POLD3: variants seen among roughly 807,000 people sequenced by gnomAD.
POLD3 encodes the protein DNA polymerase delta 3, accessory subunit, also known as DNA polymerase delta subunit 3.
In POLD3, 19 loss-of-function variants were observed where a neutral mutation model predicts 58.2. The ratio of observed to expected loss-of-function variants is 0.33; its 90% CI spans 0.23 to 0.48. The LOEUF (loss-of-function observed/expected upper bound fraction) is 0.48. Among genes scored for constraint, POLD3 ranks in the 20% least tolerant of loss-of-function variants. POLD3 has a pLI of 0.99. For synonymous variants in POLD3, 172 were observed against 193.5 expected, an observed-to-expected ratio of 0.89 and a Z score of 0.92; for missense variants, 504 against 545.5, an observed-to-expected ratio of 0.92 and a Z score of 0.76.
At chr11:74,598,620 T>C (rs2031366339) in intron 2 of POLD3, among the ~76,000 whole-genome samples, 1 of 152,222 alleles carries the variant, frequency 6.6e-6, no homozygotes, top group African/African-American at 2.4e-5. Flanking sequence ...TCTAGGCATC[T>C]TTATGCACAT....
At chr11:74,666,881 T>C (rs1037112816) in intron 4 of POLD3, among the ~76,000 whole-genome samples, 3 of 149,834 alleles carry the variant, frequency 2.0e-5, no homozygotes, top group African/African-American at 7.4e-5. Flanking sequence ...AGCATAACAA[T>C]AGGTATCTAG....
rs191979397 is a variant in POLD3, at chr11:74,630,110, A to G, written c.1006+787A>G. ...CTAGTCCAAAGGATTTCAGCATCAC[A>G]TAAAGATACAGAGACAAACACGAAC... On this transcript the variant is annotated intron_variant, in intron 9 of 11. Transcript: ENST00000263681. Among the ~76,000 whole-genome samples the G allele has an allele frequency of 1.4e-4, 22 of 152,338 alleles. 1 individual carries two copies. In the East Asian group the frequency reaches 4.0e-3, roughly 28 times the overall value.
In POLD3 at chr11:74,618,564, C is replaced by A. The variant is rs148419916; in HGVS notation, c.420C>A (p.Ala140=). Residue 140 remains alanine (A), a synonymous_variant, in exon 6 of 12, where the codon GCC becomes GCA. Transcript: ENST00000263681. ...SKFSAIQCAA[A]VPRAPAESSS... Reference sequence around the variant, plus strand: ...TTAGTGCTATACAATGTGCAGCTGCCGTCCCTAGAGCTCCTGCTGAATCCT... The same window carrying A: ...TTAGTGCTATACAATGTGCAGCTGCAGTCCCTAGAGCTCCTGCTGAATCCT... The A allele has an allele frequency of 2.3e-4, 368 of 1,613,072 alleles. 4 individuals are homozygous for A. In the African/African-American group the frequency reaches 4.6e-3, roughly 20 times the overall value.
At chr11:74,634,946 T>C (rs1180264658) in intron 10 of POLD3, among the ~76,000 whole-genome samples, 1 of 152,188 alleles carries the variant, frequency 6.6e-6, no homozygotes, top group Non-Finnish European at 1.5e-5. Context: ...TCTGTTTTCA[T>C]GACCTTCAGC....
intron 4 of POLD3, among the ~76,000 whole-genome samples, chr11:74,655,648 T>C (rs1450743850): frequency 7.2e-6 from 1 of 139,470 alleles, no homozygotes; most frequent in Non-Finnish European, 1.5e-5. Flanking sequence ...ATTCAACACC[T>C]ATATTTGACC....
Position 74,607,668 on chromosome 11 carries a change from A to G in POLD3, c.219+2874A>G, listed in dbSNP as rs1330153877. Among the ~76,000 whole-genome samples the G allele has an allele frequency of 3.3e-5, 5 of 151,252 alleles. No homozygotes were observed. The East Asian group carries it at 5.8e-4, about 18-fold the overall frequency. ...AGAATCTCGGCTTACTGTAGCCTCA[A>G]TCTCTTGGGTTTAAGCCATCTTCCT... On this transcript the variant is annotated intron_variant, in intron 3 of 11. Coordinates refer to ENST00000263681, the MANE Select transcript of POLD3 (RefSeq NM_006591.3).
intron 4 of POLD3, among the ~76,000 whole-genome samples, chr11:74,655,961 G>A (rs2135196721): frequency 6.6e-6 from 1 of 152,184 alleles, no homozygotes; most frequent in Middle Eastern, 3.4e-3. Flanking sequence ...AAAATCTAGG[G>A]CTAATATGTG....
At chr11:74,595,125 C>CTCT (rs1221735878) in intron 2 of POLD3, 3 of 150,368 alleles carry the variant, frequency 2.0e-5, no homozygotes, top group Non-Finnish European at 4.4e-5. Context: ...CTGGTTAACA[C>CTCT]TAACACTGTT....
chr11:74,656,997 A>G (rs1054954275), intron 4 of POLD3, among the ~76,000 whole-genome samples: 2 of 8,246 alleles, frequency 2.4e-4, no homozygotes, highest in Non-Finnish European at 5.8e-4. Flanking sequence ...CAATTGTTAT[A>G]TCCTCTTGAT....
At chr11:74,658,519 T>C (rs975186976) in intron 4 of POLD3, among the ~76,000 whole-genome samples, 1 of 152,178 alleles carries the variant, frequency 6.6e-6, no homozygotes, top group African/African-American at 2.4e-5. Context: ...GTCCAAAGTC[T>C]CATCTGAGAC....
intron 8 of POLD3, 97 bp downstream of exon 8, chr11:74,625,670 T>A: frequency 2.1e-6 from 2 of 937,114 alleles, no homozygotes; most frequent in Non-Finnish European, 3.2e-6. Context: ...AGTTAAGTAC[T>A]AAATCCTACT....
At chr11:74,612,114 G>T (rs1189450182) in intron 4 of POLD3, among the ~76,000 whole-genome samples, 3 of 152,198 alleles carry the variant, frequency 2.0e-5, no homozygotes. Flanking sequence ...GGACTGAGGA[G>T]GGTGGAGGGC....
chr11:74,645,587 T>G (rs1369707435), downstream of POLD3, among the ~76,000 whole-genome samples: 1 of 152,234 alleles, frequency 6.6e-6, no homozygotes, highest in Non-Finnish European at 1.5e-5. Context: ...TGAACTTGTT[T>G]CCTCATCTTT....
At chr11:74,612,361 G>C (rs922894165) in intron 4 of POLD3, among the ~76,000 whole-genome samples, 14 of 152,182 alleles carry the variant, frequency 9.2e-5, no homozygotes, top group Non-Finnish European at 1.9e-4. Flanking sequence ...TGGGGACATG[G>C]AACAAGTTAG....
rs1364061853 is a variant in POLD3 at position 74,607,265 on chromosome 11, T to C, written c.219+2471T>C. ...TTATATATTTATTTATTTATTTATT[T>C]ATTTATTTATTTTTTGAGACCGAGT... On this transcript the variant is annotated intron_variant, in intron 3 of 11. Transcript: ENST00000263681. Among the ~76,000 whole-genome samples the C allele has an allele frequency of 1.6e-3, 235 of 148,234 alleles. 2 individuals are homozygous for C. Among genetic ancestry groups the C allele is most frequent in the African/African-American group, 5.5e-3 (224 of 40,722 alleles).
At chr11:74,646,280 C>A (rs1166534547), downstream of POLD3, among the ~76,000 whole-genome samples, 1 of 152,120 alleles carries the variant, frequency 6.6e-6, no homozygotes, top group Non-Finnish European at 1.5e-5. Flanking sequence ...GCCTGATTTT[C>A]ATTTTTATAA....
chr11:74,651,648 C>G (rs1256825409), intron 4 of POLD3, among the ~76,000 whole-genome samples: 1 of 152,132 alleles, frequency 6.6e-6, no homozygotes, highest in African/African-American at 2.4e-5. Flanking sequence ...TTAAGTCAGA[C>G]TTTACAGATA....
intron 4 of POLD3, among the ~76,000 whole-genome samples, chr11:74,668,312 G>A (rs2033297352): frequency 1.3e-5 from 2 of 152,220 alleles, no homozygotes; most frequent in East Asian, 1.9e-4. Flanking sequence ...CCAAAAAAAT[G>A]GAAACAAGCC....
intron 4 of POLD3, among the ~76,000 whole-genome samples, chr11:74,655,794 G>A (rs79897420): frequency 0.029 from 4,352 of 152,280 alleles, 251 homozygotes; most frequent in African/African-American, 0.099. Context: ...CTAAGTTTGG[G>A]AACAAGGCAG....
Sources: allele counts gnomAD v4.1 joint callset (sites outside exome capture counted in the v4.1 genomes callset), GRCh38; gene constraint gnomAD v4.1.1; transcripts MANE v1.5; gene names NCBI Gene and HGNC (gene_info 2026-07-23, HGNC 2026-07-21).